Variants in BST1 observed in about 807,000 individuals in gnomAD.
The protein encoded by BST1 is bone marrow stromal cell antigen 1.
BST1 carries 49 observed loss-of-function variants against 40.6 expected under a neutral mutation model. The observed-to-expected ratio is 1.21, with a 90% CI of 0.96 to 1.53. The LOEUF is 1.53. BST1 is among the 40% of genes most tolerant of loss of function. BST1 has a pLI of 0.00. For synonymous variants in BST1, 157 were observed against 159.3 expected (o/e 0.99, Z 0.11); for missense variants, 423 against 395.9 (o/e 1.07, Z -0.58).
chr4:15,722,359 C>T (rs181330095), intron 7 of BST1, among the ~76,000 whole-genome samples: 37 of 152,272 alleles, frequency 2.4e-4, no homozygotes, highest in Non-Finnish European at 5.0e-4. Context: ...TGACATGATC[C>T]TTACAAAAGA....
chr4:15,715,465 G>A lies in BST1; in HGVS notation c.611+104G>A, dbSNP rs41267479. On this transcript the variant is annotated intron_variant, in intron 5 of 8. Coordinates refer to ENST00000265016, the MANE Select transcript of BST1 (RefSeq NM_004334.3). Reference sequence around the variant, plus strand: ...AATTATCCTAGTCCCCATCTCATGCGTGCTTCTGTAAATTCAGGTAAAGCA... The same window carrying A: ...AATTATCCTAGTCCCCATCTCATGCATGCTTCTGTAAATTCAGGTAAAGCA... The A allele has an allele frequency of 5.4e-3, 6,617 of 1,230,562 alleles. 26 individuals are homozygous for A. The highest frequency in any genetic ancestry group is 6.7e-3 in the Non-Finnish European group (5,778 of 864,852). 76.2% of individuals were successfully genotyped at this position (1,230,562 alleles called of 1,614,324 possible).
rs1340732559 is a variant in BST1 at position 15,707,548 on chromosome 4, G to C, written c.353G>C (p.Ser118Thr). 1.2e-6 allele frequency: 2 copies of C among 1,613,790 alleles called. No homozygotes were observed. Among genetic ancestry groups the C allele is most frequent in the Non-Finnish European group, 1.7e-6 (2 of 1,179,958 alleles). The change falls in exon 3 of 9, where the codon AGC becomes ACC. Residue 118 changes from serine to threonine, a missense_variant. Physicochemically the swap from Ser to Thr is moderately conservative, Grantham distance 58 (BLOSUM62 1). Coordinates refer to ENST00000265016, the MANE Select transcript of BST1 (RefSeq NM_004334.3). ...FWENSHLLVNSFADNTRRFMP... is the reference protein window; with the variant it reads ...FWENSHLLVNTFADNTRRFMP... ...GAAAATAGCCACCTCCTTGTTAACAGCTTTGCAGACAACACCCGTCGTTTT... is the reference window on the plus strand; with the variant it reads ...GAAAATAGCCACCTCCTTGTTAACACCTTTGCAGACAACACCCGTCGTTTT...
chr4:15,703,452 G>C lies in BST1; in HGVS notation c.188+120G>C, dbSNP rs1719661081. On this transcript the variant is annotated intron_variant, in intron 1 of 8. Coordinates refer to ENST00000265016, the MANE Select transcript of BST1 (RefSeq NM_004334.3). ...GGGGCAATGAGAGAGGCCTTGAGGGGAGAGGTGAGTGTGGAGACAGCGATG... is the reference window on the plus strand; with the variant it reads ...GGGGCAATGAGAGAGGCCTTGAGGGCAGAGGTGAGTGTGGAGACAGCGATG... 6.3e-6 allele frequency: 9 copies of C among 1,420,488 alleles called. No homozygotes were observed. The South Asian group carries it at 1.2e-4, about 19-fold the overall frequency. 88.0% of individuals were successfully genotyped at this position (1,420,488 alleles called of 1,614,324 possible).
At chr4:15,728,336 T>C (rs1721213973) in intron 8 of BST1, among the ~76,000 whole-genome samples, 1 of 152,184 alleles carries the variant, frequency 6.6e-6, no homozygotes, top group Admixed American at 6.5e-5. Context: ...AATCTGTATG[T>C]TTTGGTATTT....
downstream of BST1, among the ~76,000 whole-genome samples, chr4:15,735,698 A>G (rs1475365727): frequency 6.6e-6 from 1 of 152,156 alleles, no homozygotes; most frequent in African/African-American, 2.4e-5. Flanking sequence ...CCTTAGGCCA[A>G]TCCCATGGGA....
intron 8 of BST1, among the ~76,000 whole-genome samples, chr4:15,730,636 C>T (rs145316326): frequency 6.6e-6 from 1 of 152,320 alleles, no homozygotes; most frequent in East Asian, 1.9e-4. Context: ...ATTTGCAGGG[C>T]AGCAGCAGGT....
downstream of BST1, chr4:15,737,784 C>T (rs1385017159): frequency 2.3e-6 from 3 of 1,286,286 alleles, no homozygotes; most frequent in Non-Finnish European, 3.0e-6. Context: ...TGAACCTGAA[C>T]AGGAAACTGT....
At chr4:15,761,196 C>A in the BST1 span, among the ~76,000 whole-genome samples, 4 of 151,912 alleles carry the variant, frequency 2.6e-5, no homozygotes, top group Non-Finnish European at 4.4e-5. Flanking sequence ...AGGCATGTTC[C>A]ACCATGCCCG....
At chr4:15,718,728 CTT>C (rs1480981919) in intron 6 of BST1, among the ~76,000 whole-genome samples, 177 bp from the exon 7 acceptor site, 1 of 152,212 alleles carries the variant, frequency 6.6e-6, no homozygotes, top group Non-Finnish European at 1.5e-5. Context: ...AGCATCGTCT[CTT>C]GGGTCCTGCA....
chr4:15,745,926 C>G, the BST1 span, among the ~76,000 whole-genome samples: 2 of 152,278 alleles, frequency 1.3e-5, no homozygotes, highest in East Asian at 1.9e-4. Flanking sequence ...AGGGGCCAGA[C>G]TGATGTCATA....
chr4:15,739,325 A>G (rs1217308839), downstream of BST1, among the ~76,000 whole-genome samples: 1 of 152,162 alleles, frequency 6.6e-6, no homozygotes, highest in African/African-American at 2.4e-5. Flanking sequence ...TGAAACGTAT[A>G]TGTATTAAAT....
At chr4:15,743,525 G>T in the BST1 span, 1 of 349,744 alleles carries the variant, frequency 2.9e-6, no homozygotes, top group South Asian at 2.4e-5. Flanking sequence ...ACCTAGAGCA[G>T]AATGTTAAGG....
At chr4:15,738,855 A>G (rs1465837189), downstream of BST1, among the ~76,000 whole-genome samples, 1 of 152,234 alleles carries the variant, frequency 6.6e-6, no homozygotes, top group Non-Finnish European at 1.5e-5. Context: ...TGCCAAATGA[A>G]CATGGCTGAT....
chr4:15,724,584 G>A (rs1720998860), intron 8 of BST1, among the ~76,000 whole-genome samples: 1 of 152,174 alleles, frequency 6.6e-6, no homozygotes, highest in Non-Finnish European at 1.5e-5. Context: ...TACTTGGGAG[G>A]CTGAGGCAGG....
At chr4:15,731,210 G>A (rs1226173045) in intron 8 of BST1, 6 of 450,782 alleles carry the variant, frequency 1.3e-5, no homozygotes, top group South Asian at 1.3e-4. Flanking sequence ...TTTTCCTTGT[G>A]TGTGAGCAGG....
chr4:15,753,964 C>G, the BST1 span, among the ~76,000 whole-genome samples: 2 of 152,196 alleles, frequency 1.3e-5, no homozygotes, highest in Non-Finnish European at 2.9e-5. Flanking sequence ...AGGAAGCCAG[C>G]TGAGGGAATG....
intron 7 of BST1, among the ~76,000 whole-genome samples, chr4:15,721,286 G>A (rs1270706178): frequency 6.6e-6 from 1 of 152,196 alleles, no homozygotes; most frequent in Non-Finnish European, 1.5e-5. Context: ...TTCTCCCTGA[G>A]GTTCTTGCCC....
chr4:15,738,287 C>T (rs1721641520), exon 7 of BST1: 1 of 152,558 alleles, frequency 6.6e-6, no homozygotes, highest in South Asian at 2.1e-4. Flanking sequence ...CTGCTCTAAA[C>T]ATTAAAGCCT....
At chr4:15,711,433 G>A (rs930899076) in intron 3 of BST1, among the ~76,000 whole-genome samples, 2 of 151,968 alleles carry the variant, frequency 1.3e-5, no homozygotes, top group African/African-American at 4.8e-5. Flanking sequence ...TTTTGGAGAC[G>A]GCTCTTCTCC....
Sources: gnomAD v4.1 joint callset for allele counts (sites outside exome capture counted in the v4.1 genomes callset) on GRCh38, gnomAD v4.1.1 for gene constraint, MANE v1.5 for transcripts, NCBI Gene and HGNC (gene_info 2026-07-23, HGNC 2026-07-21) for gene names.